RRAGD: variants seen among roughly 807,000 people sequenced by gnomAD.
The protein encoded by RRAGD is Ras related GTP binding D.
A neutral mutation model predicts 35.5 loss-of-function variants in RRAGD; 12 were observed. The observed-to-expected ratio is 0.34, with a 90% CI of 0.22 to 0.55. The LOEUF is 0.55. Ranked by LOEUF, RRAGD falls within the 20% of genes least tolerant of loss-of-function variation. The pLI, the probability that RRAGD is intolerant of heterozygous loss-of-function variation, is 0.91. For missense variants in RRAGD, 324 were observed against 490.1 expected, an observed-to-expected ratio of 0.66 and a Z score of 3.20; for synonymous variants, 155 against 178.9, an observed-to-expected ratio of 0.87 and a Z score of 1.07.
At chr6:89,404,061 A>C (rs1344541299) in intron 1 of RRAGD, among the ~76,000 whole-genome samples, 1 of 152,196 alleles carries the variant, frequency 6.6e-6, no homozygotes, top group East Asian at 1.9e-4. Flanking sequence ...AAGAATAAAA[A>C]ACGGTTGTCA....
chr6:89,372,818 C>T (rs1227869857), intron 5 of RRAGD, among the ~76,000 whole-genome samples: 1 of 152,244 alleles, frequency 6.6e-6, no homozygotes, highest in Non-Finnish European at 1.5e-5. Context: ...GGGACACTCT[C>T]CAGGCACCTG....
intron 1 of RRAGD, among the ~76,000 whole-genome samples, chr6:89,406,267 A>G (rs754606): frequency 0.12 from 18,462 of 152,058 alleles, 1,392 homozygotes; most frequent in African/African-American, 0.21. Flanking sequence ...AGGCAGAGAG[A>G]AGGGCATGGT....
intron 1 of RRAGD, among the ~76,000 whole-genome samples, chr6:89,402,341 C>T (rs922630457): frequency 7.2e-5 from 11 of 151,990 alleles, no homozygotes; most frequent in African/African-American, 2.4e-4. Context: ...CCACTGAGCC[C>T]GGCCTGGAAA....
At chr6:89,375,040 CTG>C (rs1401159567) in intron 5 of RRAGD, among the ~76,000 whole-genome samples, 2 of 152,082 alleles carry the variant, frequency 1.3e-5, no homozygotes, top group Non-Finnish European at 1.5e-5. Context: ...ATATTAAACA[CTG>C]TTTATTAACA....
chr6:89,376,167 G>A (rs188331672), intron 5 of RRAGD, among the ~76,000 whole-genome samples: 15 of 152,242 alleles, frequency 9.9e-5, no homozygotes, highest in African/African-American at 1.7e-4. Flanking sequence ...AGATGTCAGC[G>A]TTTAATTATA....
At chr6:89,371,111 C>T (rs1694446792) in intron 6 of RRAGD, among the ~76,000 whole-genome samples, 1 of 149,998 alleles carries the variant, frequency 6.7e-6, no homozygotes, top group African/African-American at 2.5e-5. Flanking sequence ...CTATATTAGA[C>T]AATATGGCCC....
chr6:89,368,463 C>T (rs973569290), intron 6 of RRAGD, among the ~76,000 whole-genome samples: 7 of 152,088 alleles, frequency 4.6e-5, no homozygotes, highest in Non-Finnish European at 1.0e-4. Flanking sequence ...TTCAAAGGTT[C>T]CTATGACCCA....
intron 1 of RRAGD, among the ~76,000 whole-genome samples, chr6:89,402,037 G>GA (rs1554205004): frequency 1.9e-5 from 1 of 52,314 alleles, no homozygotes; most frequent in Non-Finnish European, 3.4e-5. Context: ...AAATCCTAAG[G>GA]ATTTTTTTTT....
At chr6:89,368,714 TAG>T (rs1181997987) in intron 6 of RRAGD, among the ~76,000 whole-genome samples, 4 of 152,200 alleles carry the variant, frequency 2.6e-5, no homozygotes, top group Admixed American at 2.6e-4. Flanking sequence ...CCCCTAATTT[TAG>T]AGTGTTAACA....
At chr6:89,391,410 A>G (rs1769230630) in intron 1 of RRAGD, among the ~76,000 whole-genome samples, 1 of 152,010 alleles carries the variant, frequency 6.6e-6, no homozygotes, top group Non-Finnish European at 1.5e-5. Context: ...ACAATGGAAT[A>G]TTATTCAGCC....
Position 89,377,807 on chromosome 6 carries a change from C to T in RRAGD, c.766G>A (p.Gly256Arg). Reference protein sequence around the residue: ...NLLNIFISNSGIEKAFLFDVV... With the variant: ...NLLNIFISNSRIEKAFLFDVV... ...TCAAATAGAAATGCCTTTTCAATTCCAGAATTCTGAAATTTAAAAAAAAAA... is the reference window on the plus strand; with the variant it reads ...TCAAATAGAAATGCCTTTTCAATTCTAGAATTCTGAAATTTAAAAAAAAAA... Residue 256 changes from glycine (G) to arginine (R), a missense_variant, in exon 5 of 7, where the codon GGA becomes AGA. Gly to Arg is a moderately radical substitution (Grantham distance 125, BLOSUM62 -2). Around this residue, in one of 5 missense-constraint regions of RRAGD, gnomAD observed 152 missense variants for 296.9 expected, o/e 0.51. Transcript: ENST00000369415. The T allele has an allele frequency of 6.3e-7, 1 of 1,593,624 alleles. No homozygotes were observed. The highest frequency in any genetic ancestry group is 8.5e-7 in the Non-Finnish European group (1 of 1,173,796).
At chr6:89,397,634 CTG>C (rs1769365458) in intron 1 of RRAGD, among the ~76,000 whole-genome samples, 2 of 137,688 alleles carry the variant, frequency 1.5e-5, no homozygotes, top group Admixed American at 7.1e-5. Context: ...CAAAAAAAAC[CTG>C]TAAACAACCC....
chr6:89,374,834 C>T (rs1378005488), intron 5 of RRAGD, among the ~76,000 whole-genome samples: 2 of 151,906 alleles, frequency 1.3e-5, no homozygotes, highest in African/African-American at 2.4e-5. Context: ...CTTTTAAGTG[C>T]TGGACATCAA....
rs1769017434 is a variant in RRAGD at position 89,380,200 on chromosome 6, A to G, written c.612T>C (p.Leu204=). 1 of 1,614,144 alleles carries G rather than the reference A, an allele frequency of 6.2e-7. No homozygotes were observed. The highest frequency in any genetic ancestry group is 8.5e-7 in the Non-Finnish European group (1 of 1,180,052). Reference sequence around the variant, plus strand: ...GAATTTTTTCTAATCCAGCATCTGCAAGGTCATCGTTTGCCCTCTGGTGAA... The same window carrying G: ...GAATTTTTTCTAATCCAGCATCTGCGAGGTCATCGTTTGCCCTCTGGTGAA... ...RDIHQRANDD[L]ADAGLEKIHL... The change falls in exon 3 of 7, where the codon CTT becomes CTC. Residue 204 remains leucine, a synonymous_variant. Coordinates refer to ENST00000369415, the MANE Select transcript of RRAGD (RefSeq NM_021244.5).
Position 89,411,727 on chromosome 6 carries a change from G to A in RRAGD, c.148+119C>T. On this transcript the variant is annotated intron_variant, in intron 1 of 6. Coordinates refer to ENST00000369415, the MANE Select transcript of RRAGD (RefSeq NM_021244.5). The surrounding 1 kb of genome is among the most constrained non-coding windows in gnomAD (Gnocchi z 5.6). ...CCCTCCCCACCCCAAACCCTCAACT[G>A]GACCCGCTCCCCTGGACCCCCTCCA... 1 of 1,128,454 alleles carries A rather than the reference G, an allele frequency of 8.9e-7. No homozygotes were observed. Among genetic ancestry groups the A allele is most frequent in the Non-Finnish European group, 1.2e-6 (1 of 814,576 alleles). 69.9% of individuals were successfully genotyped at this position (1,128,454 alleles called of 1,614,324 possible).
intron 1 of RRAGD, among the ~76,000 whole-genome samples, chr6:89,401,519 G>A (rs1208207436): frequency 6.6e-6 from 1 of 152,108 alleles, no homozygotes; most frequent in Admixed American, 6.5e-5. Flanking sequence ...GCCTCCCAAA[G>A]TGCTGGGATA....
At chr6:89,389,030 C>T (rs866321973) in intron 1 of RRAGD, among the ~76,000 whole-genome samples, 2 of 152,134 alleles carry the variant, frequency 1.3e-5, no homozygotes, top group Admixed American at 6.5e-5. Flanking sequence ...TAAATACAGA[C>T]GAAACTTCGC....
rs1322816769 is a variant in RRAGD, at chr6:89,365,026, T to C, written c.*3030A>G. 1 of 152,252 alleles carries C rather than the reference T, an allele frequency of 6.6e-6. No individual in the cohort carries two copies. The highest frequency in any genetic ancestry group is 1.5e-5 in the Non-Finnish European group (1 of 68,050). 9.4% of individuals were successfully genotyped at this position (152,252 alleles called of 1,614,324 possible). A position where few individuals can be genotyped will look rare whatever the true frequency, so the allele number is the denominator to read the frequency against. On this transcript the variant is annotated 3_prime_UTR_variant, in exon 7 of 7. Coordinates refer to ENST00000369415, the MANE Select transcript of RRAGD (RefSeq NM_021244.5). The stretch of plus-strand genomic sequence containing the variant: ...AAGTTGAATACATACCATACTTTAA[T>C]AACCAAGACAATTCAGCTGTTTTTC...
chr6:89,385,787 A>C (rs573863613), intron 2 of RRAGD, among the ~76,000 whole-genome samples: 25 of 152,260 alleles, frequency 1.6e-4, no homozygotes, highest in African/African-American at 2.9e-4. Flanking sequence ...CCATGCTCCC[A>C]CAGCCATACA....
Sources: gnomAD v4.1 joint callset for allele counts (sites outside exome capture counted in the v4.1 genomes callset) on GRCh38, gnomAD v4.1.1 for gene constraint, gnomAD v4.1.1 regional missense constraint, Gnocchi (gnomAD v3.1) non-coding constraint, MANE v1.5 for transcripts, NCBI Gene and HGNC (gene_info 2026-07-23, HGNC 2026-07-21) for gene names.